Variants in RANBP2 observed in about 807,000 individuals in gnomAD.
RANBP2 encodes E3 SUMO-protein ligase RanBP2.
A neutral mutation model predicts 303.6 loss-of-function variants in RANBP2; 57 were observed. The observed-to-expected ratio is 0.19, with a 90% CI of 0.15 to 0.23. The LOEUF (loss-of-function observed/expected upper bound fraction) is 0.23, where lower values mean the gene tolerates loss of function less well. Among genes scored for constraint, RANBP2 ranks in the 10% least tolerant of loss-of-function variants. The pLI is 1.00. For missense variants in RANBP2, 3,138 were observed against 3,780.8 expected (o/e 0.83, Z 4.46); for synonymous variants, 1,167 against 1,301.5 (o/e 0.90, Z 2.23).
At chr2:108,722,315 A>G (rs1021202578) in intron 1 of RANBP2, among the ~76,000 whole-genome samples, 3 of 152,148 alleles carry the variant, frequency 2.0e-5, no homozygotes, top group Non-Finnish European at 4.4e-5. Context: ...TCAGCGGAAT[A>G]TGGATTAACT....
chr2:108,720,961 G>C (rs1178366112), intron 1 of RANBP2, among the ~76,000 whole-genome samples: 1 of 152,046 alleles, frequency 6.6e-6, no homozygotes, highest in Non-Finnish European at 1.5e-5. Context: ...AGGCAGGAGA[G>C]TCGCTTGAAC....
the RANBP2 span, among the ~76,000 whole-genome samples, chr2:108,813,248 C>CAAAA: frequency 0.024 from 1,492 of 63,232 alleles, 127 homozygotes; most frequent in East Asian, 0.055. Context: ...GACTCCGTCT[C>CAAAA]AAAAAAAAAA....
At chr2:109,498,208 A>G in the RANBP2 span, among the ~76,000 whole-genome samples, 1 of 152,290 alleles carries the variant, frequency 6.6e-6, no homozygotes, top group Non-Finnish European at 1.5e-5. Flanking sequence ...CAGATAGCCC[A>G]TGGGAACCAG....
intron 4 of RANBP2, chr2:108,731,747 A>T: frequency 4.2e-6 from 2 of 481,114 alleles, no homozygotes; most frequent in South Asian, 6.6e-5. Flanking sequence ...TAGAGCTAAG[A>T]TTTACATTAA....
chr2:109,060,392 A>T, the RANBP2 span, among the ~76,000 whole-genome samples: 1 of 152,108 alleles, frequency 6.6e-6, no homozygotes, highest in Non-Finnish European at 1.5e-5. Flanking sequence ...GGAACAAGCA[A>T]AAAACAGAGC....
At chr2:109,062,214 C>T in the RANBP2 span, among the ~76,000 whole-genome samples, 3 of 152,218 alleles carry the variant, frequency 2.0e-5, 1 homozygote, top group Non-Finnish European at 4.4e-5. Flanking sequence ...CCCTGACTTC[C>T]CTCCTCTGAG....
chr2:109,014,328 C>T, the RANBP2 span, among the ~76,000 whole-genome samples: 1 of 152,194 alleles, frequency 6.6e-6, no homozygotes, highest in Non-Finnish European at 1.5e-5. Context: ...AATTTGAAAA[C>T]CCTGATGTGG....
chr2:109,280,829 G>T, the RANBP2 span, among the ~76,000 whole-genome samples: 2 of 152,222 alleles, frequency 1.3e-5, no homozygotes. Flanking sequence ...GATAACAGTG[G>T]TCGGCTGTTT....
chr2:109,355,808 T>C, the RANBP2 span, among the ~76,000 whole-genome samples: 16 of 152,334 alleles, frequency 1.1e-4, no homozygotes, highest in Admixed American at 3.9e-4. Flanking sequence ...TTTGGTGTTT[T>C]GAGGAGGGGT....
chr2:109,216,624 A>G, the RANBP2 span, among the ~76,000 whole-genome samples: 2 of 152,202 alleles, frequency 1.3e-5, no homozygotes, highest in African/African-American at 4.8e-5. Context: ...CATGCTCTGT[A>G]GGCTGATGGG....
At chr2:109,623,478 C>T in the RANBP2 span, among the ~76,000 whole-genome samples, 11 of 152,320 alleles carry the variant, frequency 7.2e-5, no homozygotes, top group African/African-American at 1.9e-4. Context: ...TCCTGCGGTC[C>T]GGACTCTGCC....
chr2:109,551,289 C>G, the RANBP2 span, among the ~76,000 whole-genome samples: 1 of 152,130 alleles, frequency 6.6e-6, no homozygotes, highest in Non-Finnish European at 1.5e-5. Context: ...ACAATATTGG[C>G]AAGGACATAT....
the RANBP2 span, among the ~76,000 whole-genome samples, chr2:109,479,680 T>A: frequency 2.0e-5 from 3 of 152,150 alleles, no homozygotes; most frequent in Non-Finnish European, 4.4e-5. Flanking sequence ...TCCTCATTTT[T>A]AAAAAATGAA....
the RANBP2 span, among the ~76,000 whole-genome samples, chr2:108,808,552 T>C: frequency 8.5e-5 from 13 of 152,212 alleles, no homozygotes; most frequent in African/African-American, 3.1e-4. Flanking sequence ...ATAGCCTTTC[T>C]AACTGGGATG....
At chr2:109,673,111 C>T in the RANBP2 span, among the ~76,000 whole-genome samples, 209 of 152,236 alleles carry the variant, frequency 1.4e-3, 1 homozygote, top group Middle Eastern at 6.8e-3. Context: ...CTAAGGGGGC[C>T]GTGAGCTACC....
At chr2:109,354,455 CA>C in the RANBP2 span, among the ~76,000 whole-genome samples, 1 of 152,244 alleles carries the variant, frequency 6.6e-6, no homozygotes, top group Admixed American at 6.5e-5. Flanking sequence ...CATGGCCAGG[CA>C]GGGACTGCTT....
chr2:109,269,616 A>C, the RANBP2 span, among the ~76,000 whole-genome samples: 1 of 152,094 alleles, frequency 6.6e-6, no homozygotes, highest in South Asian at 2.1e-4. Context: ...CCCCATCTCT[A>C]CTAAAAATAA....
At chr2:109,480,310 C>G in the RANBP2 span, among the ~76,000 whole-genome samples, 1 of 152,176 alleles carries the variant, frequency 6.6e-6, no homozygotes, top group Non-Finnish European at 1.5e-5. Context: ...CAGCCACCCT[C>G]TATGACAGGT....
the RANBP2 span, among the ~76,000 whole-genome samples, chr2:109,312,609 A>G: frequency 2.6e-5 from 4 of 152,194 alleles, no homozygotes; most frequent in African/African-American, 9.6e-5. Context: ...GAGATTTGAT[A>G]TAAGTGGAAT....
Sources: allele counts gnomAD v4.1 joint callset (sites outside exome capture counted in the v4.1 genomes callset), GRCh38; gene constraint gnomAD v4.1.1; transcripts MANE v1.5; gene names NCBI Gene and HGNC (gene_info 2026-07-23, HGNC 2026-07-21).